Variants in PUM1 observed in about 807,000 individuals in gnomAD.
PUM1 encodes pumilio RNA binding family member 1.
A neutral mutation model predicts 131.8 loss-of-function variants in PUM1; 13 were observed. That is an observed-to-expected ratio of 0.10 (90% confidence interval 0.06 to 0.16). The LOEUF (loss-of-function observed/expected upper bound fraction) is 0.16. PUM1 is among the 10% of genes least tolerant of loss of function. The pLI is 1.00. For synonymous variants in PUM1, 509 were observed against 556.5 expected, an observed-to-expected ratio of 0.91 and a Z score of 1.20; for missense variants, 961 against 1,512.4, an observed-to-expected ratio of 0.64 and a Z score of 6.05.
intron 2 of PUM1, among the ~76,000 whole-genome samples, chr1:31,034,298 A>G (rs1420276110): frequency 6.6e-6 from 1 of 152,172 alleles, no homozygotes; most frequent in East Asian, 1.9e-4. Context: ...AAACTCAGTT[A>G]CAACAGAGTA....
intron 17 of PUM1, among the ~76,000 whole-genome samples, chr1:30,948,526 A>T (rs560483624): frequency 2.6e-5 from 4 of 152,222 alleles, no homozygotes; most frequent in African/African-American, 9.6e-5. Context: ...TTGGGAGGCC[A>T]AATCAATTGA....
intron 1 of PUM1, among the ~76,000 whole-genome samples, chr1:31,060,406 AGCCGAGATCAT>A (rs1290492173): frequency 6.6e-6 from 1 of 152,034 alleles, no homozygotes; most frequent in Non-Finnish European, 1.5e-5. Flanking sequence ...GGTTGCAGTG[AGCCGAGATCAT>A]GCCACTGTAC....
intron 2 of PUM1, among the ~76,000 whole-genome samples, chr1:31,056,242 T>C (rs1313878081): frequency 2.0e-5 from 3 of 152,148 alleles, no homozygotes; most frequent in East Asian, 3.8e-4. Flanking sequence ...AATCACCAAA[T>C]TCTGTGCATA....
chr1:31,065,209 G>A (rs1487242022), intron 1 of PUM1, among the ~76,000 whole-genome samples: 1 of 152,022 alleles, frequency 6.6e-6, no homozygotes, highest in Non-Finnish European at 1.5e-5. Context: ...GAAGAAATCG[G>A]GGTGGCACAG....
chr1:30,932,646 T>TA lies in PUM1; in HGVS notation c.*564dup, dbSNP rs1557538798. On this transcript the variant is annotated 3_prime_UTR_variant, in exon 22 of 22. Coordinates refer to ENST00000426105, the MANE Select transcript of PUM1 (RefSeq NM_001020658.2). ...ACTCTGAAACCTTTTTCATTATATA[T>TA]ATATATATATATATATATATTTTTT... is the stretch of plus-strand genomic sequence containing the variant. 2.4e-5 allele frequency: 3 copies of TA among 124,598 alleles called. No individual in the cohort carries two copies. The highest frequency in any genetic ancestry group is 5.3e-5 in the Non-Finnish European group (3 of 57,030). The allele number at this position is 124,598 out of a possible 1,614,324, so 7.7% of individuals were successfully genotyped here. A position where few individuals can be genotyped will look rare whatever the true frequency, so the allele number is the denominator to read the frequency against.
intron 18 of PUM1, 38 bp downstream of exon 18, chr1:30,945,308 T>C: frequency 6.2e-7 from 1 of 1,605,590 alleles, no homozygotes; most frequent in Non-Finnish European, 8.5e-7. Flanking sequence ...ACAAAGGAAA[T>C]AAATTTGTTT....
intron 3 of PUM1, among the ~76,000 whole-genome samples, chr1:31,011,915 T>C (rs910227647): frequency 6.6e-6 from 1 of 152,118 alleles, no homozygotes; most frequent in African/African-American, 2.4e-5. Context: ...GAATTAGGAA[T>C]TGGTCCAACA....
intron 2 of PUM1, among the ~76,000 whole-genome samples, chr1:31,047,603 T>A (rs1643999420): frequency 6.6e-6 from 1 of 152,176 alleles, no homozygotes; most frequent in African/African-American, 2.4e-5. Context: ...ACAAAAGACA[T>A]GTGTGTCTTC....
At chr1:30,963,621 C>A (rs964231757) in intron 14 of PUM1, among the ~76,000 whole-genome samples, 2 of 152,228 alleles carry the variant, frequency 1.3e-5, no homozygotes, top group African/African-American at 4.8e-5. Context: ...ACTTTCTAGT[C>A]TGCCTATCCA....
In PUM1 at chr1:31,004,177, A is replaced by G. The variant is rs72657301; in HGVS notation, c.720+1676T>C. 2.9e-3 allele frequency among the ~76,000 whole-genome samples: 444 copies of G among 152,372 alleles called. 2 individuals carry two copies. The highest frequency in any genetic ancestry group is 5.4e-3 in the Non-Finnish European group (369 of 68,024). Reference sequence around the variant, plus strand: ...GCTTTTGTCATCAAAATAACCGTCTAGTGAGATGACTGTTTAAAGAGAGAA... The same window carrying G: ...GCTTTTGTCATCAAAATAACCGTCTGGTGAGATGACTGTTTAAAGAGAGAA... On this transcript the variant is annotated intron_variant, in intron 5 of 21. Coordinates refer to ENST00000426105, the MANE Select transcript of PUM1 (RefSeq NM_001020658.2).
intron 2 of PUM1, among the ~76,000 whole-genome samples, chr1:31,030,875 C>G (rs1047974865): frequency 6.6e-6 from 1 of 152,182 alleles, no homozygotes; most frequent in South Asian, 2.1e-4. Context: ...AAATGAGACA[C>G]ACCGTATCAC....
intron 9 of PUM1, among the ~76,000 whole-genome samples, chr1:30,979,589 G>A (rs545848910): frequency 1.3e-5 from 2 of 152,084 alleles, no homozygotes; most frequent in East Asian, 3.9e-4. Flanking sequence ...GACATACTAG[G>A]GTAGAAAAAA....
At chr1:30,967,068 T>C in intron 12 of PUM1, 99 bp downstream of exon 12, 12 of 1,443,168 alleles carry the variant, frequency 8.3e-6, no homozygotes, top group Non-Finnish European at 1.1e-5. Flanking sequence ...ACCGATATAC[T>C]GAGAATTGCC....
intron 2 of PUM1, among the ~76,000 whole-genome samples, chr1:31,033,869 T>C (rs1557596448): frequency 6.6e-6 from 1 of 151,932 alleles, no homozygotes; most frequent in Non-Finnish European, 1.5e-5. Context: ...TGGTTTTGAA[T>C]TCCTGACCTC....
intron 3 of PUM1, among the ~76,000 whole-genome samples, chr1:31,021,633 T>A (rs185680876): frequency 2.0e-5 from 3 of 152,116 alleles, no homozygotes; most frequent in Admixed American, 2.0e-4. Flanking sequence ...TACTTTAGAG[T>A]CCAGCATGCA....
At chr1:30,951,170 A>G (rs1047591084) in intron 16 of PUM1, among the ~76,000 whole-genome samples, 4 of 152,206 alleles carry the variant, frequency 2.6e-5, no homozygotes, top group African/African-American at 9.6e-5. Context: ...GATCCAGAGA[A>G]GTTCTCAAGC....
At chr1:31,049,092 C>T (rs1213231272) in intron 2 of PUM1, among the ~76,000 whole-genome samples, 1 of 151,970 alleles carries the variant, frequency 6.6e-6, no homozygotes, top group African/African-American at 2.4e-5. Context: ...ATAATCCCAG[C>T]TACTCAGGAG....
Position 30,988,621 on chromosome 1 carries a change from C to G in PUM1, c.1158+3769G>C, listed in dbSNP as rs562775330. 3.9e-5 allele frequency among the ~76,000 whole-genome samples: 6 copies of G among 152,276 alleles called. No homozygotes were observed. In the South Asian group the frequency reaches 1.2e-3, roughly 32 times the overall value. ...TGCTGCACTAGACCTCTGGTCCAACCCTCACAATCATCAGTACTGTCTGAG... is the reference window on the plus strand; with the variant it reads ...TGCTGCACTAGACCTCTGGTCCAACGCTCACAATCATCAGTACTGTCTGAG... On this transcript the variant is annotated intron_variant, in intron 7 of 21. Coordinates refer to ENST00000426105, the MANE Select transcript of PUM1 (RefSeq NM_001020658.2).
rs56230812 is a variant in PUM1 at position 30,938,876 on chromosome 1, GAGATAGATAGAT to G, written c.3243-2053_3243-2042del. On this transcript the variant is annotated intron_variant, in intron 20 of 21. Transcript: ENST00000426105. ...CGAGACTCCATCTCATTCATAGATA[GAGATAGATAGAT>G]AGATAGATAGATAGATAGACAGACA... 6.0e-4 allele frequency among the ~76,000 whole-genome samples: 88 copies of G among 147,536 alleles called. 1 individual carries two copies. The highest frequency in any genetic ancestry group is 1.8e-3 in the African/African-American group (71 of 39,712).
Sources: gnomAD v4.1 joint callset for allele counts (sites outside exome capture counted in the v4.1 genomes callset) on GRCh38, gnomAD v4.1.1 for gene constraint, MANE v1.5 for transcripts, NCBI Gene and HGNC (gene_info 2026-07-23, HGNC 2026-07-21) for gene names.